The following PRUNE2 variants were observed in gnomAD, a reference collection of about 807,000 sequenced individuals.
The protein encoded by PRUNE2 is protein prune homolog 2.
Under a neutral mutation model 252.0 loss-of-function variants are expected in PRUNE2, and 164 were observed. The observed-to-expected ratio is 0.65, with a 90% CI of 0.57 to 0.74. The LOEUF (loss-of-function observed/expected upper bound fraction) is 0.74, where lower values mean the gene tolerates loss of function less well. PRUNE2 is among the 30% of genes least tolerant of loss of function. PRUNE2 has a pLI of 0.00. For synonymous variants in PRUNE2, 1,292 were observed against 1,350.2 expected, an observed-to-expected ratio of 0.96 and a Z score of 0.94; for missense variants, 3,495 against 3,711.0, an observed-to-expected ratio of 0.94 and a Z score of 1.51.
chr9:76,730,993 G>A (rs2048516109), intron 6 of PRUNE2, among the ~76,000 whole-genome samples: 1 of 152,150 alleles, frequency 6.6e-6, no homozygotes. Context: ...GGAACCCAGA[G>A]AGTGTGGAAT....
chr9:76,834,881 T>A (rs1200941135), intron 4 of PRUNE2, among the ~76,000 whole-genome samples: 3 of 152,232 alleles, frequency 2.0e-5, no homozygotes, highest in Non-Finnish European at 4.4e-5. Flanking sequence ...TATCATGACT[T>A]ACAGCAGCCA....
chr9:76,710,058 G>A lies in PRUNE2; in HGVS notation c.2216C>T (p.Pro739Leu), dbSNP rs749274510. The A allele has an allele frequency of 1.7e-5, 28 of 1,613,710 alleles. No homozygotes were observed. The highest frequency in any genetic ancestry group is 1.3e-4 in the African/African-American group (10 of 74,880). ...CTTCTCCATGGGCAGGTTCTGGAAC[G>A]GCAAGCTTTCCTCATTTTTGTCTTG... ...DIQDKNEESLPFQNLPMEKSP... is the reference protein window; with the variant it reads ...DIQDKNEESLLFQNLPMEKSP... The change falls in exon 8 of 19, where the codon CCG becomes CTG. Residue 739 changes from proline to leucine, a missense_variant. By Grantham distance (98) the Pro-to-Leu change is moderately conservative. Transcript: ENST00000376718.
At chr9:76,636,397 G>T in intron 15 of PRUNE2, 74 bp downstream of exon 15, 1 of 806,878 alleles carries the variant, frequency 1.2e-6, no homozygotes, top group Non-Finnish European at 2.0e-6. Flanking sequence ...ATGAATTCTT[G>T]TTTTTAGGAC....
At chr9:76,727,558 A>G (rs1383441800) in intron 6 of PRUNE2, among the ~76,000 whole-genome samples, 5 of 152,096 alleles carry the variant, frequency 3.3e-5, no homozygotes, top group African/African-American at 1.2e-4. Flanking sequence ...TAAAAGAGCC[A>G]AGATTTTATA....
At position 76,705,155 on chromosome 9, in the gene PRUNE2, C is replaced by T. The variant is rs772933576; in HGVS notation, c.7119G>A (p.Leu2373=). The change falls in exon 8 of 19, where the codon CTG becomes CTA. Residue 2373 remains leucine (L), a synonymous_variant. Coordinates refer to ENST00000376718, the MANE Select transcript of PRUNE2 (RefSeq NM_015225.3). ...EDLLREPEHF[L]YGGDPPLEED... ...CCTCCAAAGGAGGGTCACCACCATA[C>T]AGGAAGTGTTCAGGCTCTCTCAGTA... 1.1e-5 allele frequency: 18 copies of T among 1,613,884 alleles called. No individual in the cohort carries two copies. The highest frequency in any genetic ancestry group is 1.3e-5 in the Non-Finnish European group (15 of 1,179,896).
intron 1 of PRUNE2, among the ~76,000 whole-genome samples, chr9:76,897,604 T>C (rs12552757): frequency 0.11 from 16,545 of 151,542 alleles, 1,105 homozygotes; most frequent in South Asian, 0.23. Context: ...TTAGTAGAGA[T>C]GGGGTTTCAC....
intron 18 of PRUNE2, among the ~76,000 whole-genome samples, 156 bp from the exon 19 acceptor site, chr9:76,614,756 C>T (rs922403196): frequency 6.6e-6 from 1 of 152,138 alleles, no homozygotes; most frequent in African/African-American, 2.4e-5. Context: ...TCTGGTAAAA[C>T]CCAATCCTCC....
chr9:76,642,291 G>A (rs1481879378), intron 12 of PRUNE2, among the ~76,000 whole-genome samples: 1 of 152,222 alleles, frequency 6.6e-6, no homozygotes, highest in Non-Finnish European at 1.5e-5. Context: ...GAGAAGGTAA[G>A]TAATGTACCA....
At chr9:76,698,116 G>A (rs548525242) in intron 9 of PRUNE2, among the ~76,000 whole-genome samples, 4 of 150,280 alleles carry the variant, frequency 2.7e-5, no homozygotes, top group Non-Finnish European at 5.9e-5. Flanking sequence ...GTGTGATCTC[G>A]GCTCACTGCA....
chr9:76,757,744 C>G (rs12349257), intron 6 of PRUNE2, among the ~76,000 whole-genome samples: 5 of 149,258 alleles, frequency 3.3e-5, no homozygotes, highest in South Asian at 2.1e-4. Context: ...GGGAATCACT[C>G]GAGACCAGCC....
Position 76,637,552 on chromosome 9 carries a change from G to C in PRUNE2, c.8832-3C>G. 1 of 1,608,582 alleles carries C rather than the reference G, an allele frequency of 6.2e-7. No homozygotes were observed. The highest frequency in any genetic ancestry group is 8.5e-7 in the Non-Finnish European group (1 of 1,177,828). ...ACTCTAAAGTACTTATTACATATCTGATCACAGGAAGGAAGAGGAATGTTT... is the reference window on the plus strand; with the variant it reads ...ACTCTAAAGTACTTATTACATATCTCATCACAGGAAGGAAGAGGAATGTTT... On this transcript the variant is annotated splice_region_variant and splice_polypyrimidine_tract_variant and intron_variant, in intron 13 of 18. Coordinates refer to ENST00000376718, the MANE Select transcript of PRUNE2 (RefSeq NM_015225.3).
intron 11 of PRUNE2, among the ~76,000 whole-genome samples, chr9:76,648,909 C>A (rs1846035206): frequency 6.6e-6 from 1 of 152,200 alleles, no homozygotes; most frequent in Non-Finnish European, 1.5e-5. Flanking sequence ...ATATACCACA[C>A]AAAGACTTTA....
chr9:76,902,933 ATCTGCC>A (rs1257681713), intron 1 of PRUNE2, among the ~76,000 whole-genome samples: 1 of 152,240 alleles, frequency 6.6e-6, no homozygotes, highest in Non-Finnish European at 1.5e-5. Flanking sequence ...ATGTCAGTGA[ATCTGCC>A]TCAATTTAAA....
Position 76,889,997 on chromosome 9 carries a change from T to G in PRUNE2, c.36+15931A>C, listed in dbSNP as rs112479044. 3.0e-3 allele frequency among the ~76,000 whole-genome samples: 455 copies of G among 152,352 alleles called. 2 individuals are homozygous for G. Among genetic ancestry groups the G allele is most frequent in the African/African-American group, 0.01 (424 of 41,594 alleles). ...AGGTGACTCCAATAGGCATTAAAGT[T>G]TAAAGAGCGCTGCCGGAATGACCAC... is the stretch of plus-strand genomic sequence containing the variant. On this transcript the variant is annotated intron_variant, in intron 1 of 18. Transcript: ENST00000376718.
At chr9:76,757,974 TTTG>T (rs2051314185) in intron 6 of PRUNE2, among the ~76,000 whole-genome samples, 1 of 152,214 alleles carries the variant, frequency 6.6e-6, no homozygotes, top group African/African-American at 2.4e-5. Context: ...CATTTGAAAG[TTTG>T]TTTTCATTCC....
chr9:76,741,234 G>A (rs1244140211), intron 6 of PRUNE2, among the ~76,000 whole-genome samples: 2 of 152,098 alleles, frequency 1.3e-5, no homozygotes, highest in Non-Finnish European at 2.9e-5. Flanking sequence ...CAAGACAACT[G>A]TTTTTCTTTA....
intron 4 of PRUNE2, among the ~76,000 whole-genome samples, chr9:76,836,917 C>G (rs1178845796): frequency 6.6e-6 from 1 of 152,116 alleles, no homozygotes; most frequent in East Asian, 1.9e-4. Flanking sequence ...TACAAATGAT[C>G]TTTTTAACGA....
Position 76,619,339 on chromosome 9 carries a change from C to T in PRUNE2, c.9236+1G>A, listed in dbSNP as rs1271617660. 2 of 1,593,728 alleles carry T rather than the reference C, an allele frequency of 1.3e-6. No individual in the cohort carries two copies. Among genetic ancestry groups the T allele is most frequent in the Non-Finnish European group, 1.7e-6 (2 of 1,164,650 alleles). Reference sequence around the variant, plus strand: ...AGCTGTTATTGATGGTGAATTCTTACTCCTTCTCCATAGAAGACATTTCTG... The same window carrying T: ...AGCTGTTATTGATGGTGAATTCTTATTCCTTCTCCATAGAAGACATTTCTG... On this transcript the variant is annotated splice_donor_variant, in intron 18 of 18. Transcript: ENST00000376718. LOFTEE classifies it high-confidence loss of function.
intron 3 of PRUNE2, among the ~76,000 whole-genome samples, chr9:76,847,239 T>A (rs2059716250): frequency 6.6e-6 from 1 of 150,592 alleles, no homozygotes; most frequent in South Asian, 2.1e-4. Flanking sequence ...GGCAGGAGAA[T>A]CACTTGAACC....
Sources: gnomAD v4.1 joint callset for allele counts (sites outside exome capture counted in the v4.1 genomes callset) on GRCh38, gnomAD v4.1.1 for gene constraint, MANE v1.5 for transcripts, NCBI Gene and HGNC (gene_info 2026-07-23, HGNC 2026-07-21) for gene names.